TGS1: variants seen among roughly 807,000 people sequenced by gnomAD.
The protein encoded by TGS1 is trimethylguanosine synthase.
In TGS1, 69 loss-of-function variants were observed where a neutral mutation model predicts 92.2. The ratio of observed to expected loss-of-function variants is 0.75; its 90% CI spans 0.62 to 0.91. The LOEUF is 0.91. Among genes scored for constraint, TGS1 ranks in the 40% least tolerant of loss-of-function variants. The pLI is 0.00. For missense variants in TGS1, 1,062 were observed against 1,001.2 expected (o/e 1.06, Z -0.82); for synonymous variants, 345 against 338.1 (o/e 1.02, Z -0.22).
Position 55,802,560 on chromosome 8 carries a change from G to A in TGS1, c.1953G>A (p.Arg651=). 6.2e-7 allele frequency: 1 copy of A among 1,614,104 alleles called. No individual in the cohort carries two copies. The highest frequency in any genetic ancestry group is 1.7e-5 in the Admixed American group (1 of 60,010). The change falls in exon 9 of 13, where the codon AGG becomes AGA. Residue 651 remains arginine, a synonymous_variant. Transcript: ENST00000260129. ...VPELAKYWAQ[R]YRLFSRFDDG... is the part of the protein sequence containing the mutation. ...AGCTGGCAAAATACTGGGCCCAGAGGTACAGGCTCTTCTCCCGTTTTGATG... is the reference window on the plus strand; with the variant it reads ...AGCTGGCAAAATACTGGGCCCAGAGATACAGGCTCTTCTCCCGTTTTGATG...
chr8:55,803,827 G>A (rs1263393965), intron 9 of TGS1, among the ~76,000 whole-genome samples: 2 of 151,908 alleles, frequency 1.3e-5, no homozygotes, highest in South Asian at 4.2e-4. Flanking sequence ...AAGTAGCTGG[G>A]ATTACAAGCA....
intron 12 of TGS1, among the ~76,000 whole-genome samples, chr8:55,813,474 T>C (rs1456285909): frequency 6.6e-6 from 1 of 152,242 alleles, no homozygotes; most frequent in Non-Finnish European, 1.5e-5. Flanking sequence ...TAGAGAGATT[T>C]GATGATATCT....
Position 55,796,000 on chromosome 8 carries a change from A to T in TGS1, c.1390A>T (p.Ser464Cys). 1 of 1,613,322 alleles carries T rather than the reference A, an allele frequency of 6.2e-7. No homozygotes were observed. Among genetic ancestry groups the T allele is most frequent in the Non-Finnish European group, 8.5e-7 (1 of 1,179,678 alleles). ...CAGATATGGTGGAATCCCAAATTTC[A>T]GTCATCGGCAGGTCAGGTATTTAGA... ...GQKYGGIPNF[S>C]HRQVRYLEKN... Residue 464 changes from serine to cysteine, a missense_variant, in exon 7 of 13, where the codon AGT (serine) becomes TGT (cysteine). By Grantham distance (112) the Ser-to-Cys change is moderately radical. Transcript: ENST00000260129.
chr8:55,792,008 G>A (rs956961696), intron 5 of TGS1, among the ~76,000 whole-genome samples: 7 of 152,130 alleles, frequency 4.6e-5, no homozygotes, highest in African/African-American at 1.4e-4. Context: ...AAAAACAAGC[G>A]TGCCTCTACT....
chr8:55,799,063 G>A lies in TGS1; in HGVS notation c.1692G>A (p.Glu564=). 6.2e-7 allele frequency: 1 copy of A among 1,614,172 alleles called. No homozygotes were observed. The highest frequency in any genetic ancestry group is 8.5e-7 in the Non-Finnish European group (1 of 1,180,026). Residue 564 remains glutamate (E), a synonymous_variant, in exon 8 of 13, where the codon GAG becomes GAA. Transcript: ENST00000260129. ...TTAAAAAAGGTGATGACCTACTGGA[G>A]ACTAATAATCCAGAACCTGAAAAGT... is the stretch of plus-strand genomic sequence containing the variant. ...MSVKKGDDLL[E]TNNPEPEKCQ... is the part of the protein sequence containing the mutation.
chr8:55,779,480 A>G (rs906921665), intron 1 of TGS1, among the ~76,000 whole-genome samples: 1 of 152,196 alleles, frequency 6.6e-6, no homozygotes, highest in African/African-American at 2.4e-5. Context: ...GAAGGCTTAC[A>G]GGCTAGCACT....
intron 6 of TGS1, among the ~76,000 whole-genome samples, chr8:55,794,864 T>A (rs1029829751): frequency 6.6e-6 from 1 of 152,212 alleles, no homozygotes; most frequent in African/African-American, 2.4e-5. Context: ...GTCCTACTTA[T>A]CTGTTTCATA....
intron 11 of TGS1, among the ~76,000 whole-genome samples, chr8:55,812,078 A>G (rs951629591): frequency 3.3e-5 from 5 of 152,148 alleles, no homozygotes; most frequent in African/African-American, 9.7e-5. Flanking sequence ...TTTGCTGTGT[A>G]TCTTCACATT....
At chr8:55,780,972 G>C (rs536561181) in intron 1 of TGS1, among the ~76,000 whole-genome samples, 34 of 152,246 alleles carry the variant, frequency 2.2e-4, no homozygotes, top group Non-Finnish European at 4.4e-4. Flanking sequence ...AGATGACCCA[G>C]GTTTATCTTT....
chr8:55,822,419 A>G (rs946603435), intron 12 of TGS1, among the ~76,000 whole-genome samples: 2 of 152,078 alleles, frequency 1.3e-5, no homozygotes, highest in African/African-American at 4.8e-5. Flanking sequence ...AGAACTGGGG[A>G]TTTTTAAGTT....
At chr8:55,808,516 T>C (rs1214705202) in intron 10 of TGS1, among the ~76,000 whole-genome samples, 1 of 149,944 alleles carries the variant, frequency 6.7e-6, no homozygotes. Flanking sequence ...TTTTTCTTTT[T>C]TTTTTTTTTT....
chr8:55,820,453 G>A (rs1803603557), intron 12 of TGS1, among the ~76,000 whole-genome samples: 1 of 152,042 alleles, frequency 6.6e-6, no homozygotes, highest in Non-Finnish European at 1.5e-5. Context: ...CAGGAGAATC[G>A]CTTGAACCCA....
chr8:55,795,412 G>T (rs1812009773), intron 6 of TGS1, among the ~76,000 whole-genome samples: 1 of 152,198 alleles, frequency 6.6e-6, no homozygotes, highest in African/African-American at 2.4e-5. Flanking sequence ...CTAACAGTTT[G>T]TCGGAGAGGG....
chr8:55,810,995 C>G lies in TGS1; in HGVS notation c.2258C>G (p.Ser753Cys). Reference sequence around the variant, plus strand: ...TGTGGAGATTTCTTGCTGCTGGCTTCTTTTTTAAAGGCTGATGTTGTGTTC... The same window carrying G: ...TGTGGAGATTTCTTGCTGCTGGCTTGTTTTTTAAAGGCTGATGTTGTGTTC... Reference protein sequence around the residue: ...FICGDFLLLASFLKADVVFLS... With the variant: ...FICGDFLLLACFLKADVVFLS... Residue 753 changes from serine to cysteine, a missense_variant, in exon 11 of 13, where the codon TCT becomes TGT. Physicochemically the swap from Ser to Cys is moderately radical, Grantham distance 112. Transcript: ENST00000260129. 6.2e-7 allele frequency: 1 copy of G among 1,614,130 alleles called. No homozygotes were observed. The highest frequency in any genetic ancestry group is 8.5e-7 in the Non-Finnish European group (1 of 1,180,020).
intron 1 of TGS1, among the ~76,000 whole-genome samples, chr8:55,776,838 C>G (rs1256062661): frequency 1.3e-5 from 2 of 152,184 alleles, no homozygotes; most frequent in African/African-American, 4.8e-5. Flanking sequence ...TACACAGGCT[C>G]TGAGTGAGCT....
chr8:55,784,884 A>T (rs1037611773), intron 2 of TGS1, among the ~76,000 whole-genome samples: 1 of 152,172 alleles, frequency 6.6e-6, no homozygotes, highest in Non-Finnish European at 1.5e-5. Flanking sequence ...TCTTCCTTCC[A>T]TCCTCAGTAT....
chr8:55,775,463 G>A (rs940518787), intron 1 of TGS1, among the ~76,000 whole-genome samples: 1 of 152,112 alleles, frequency 6.6e-6, no homozygotes, highest in Non-Finnish European at 1.5e-5. Context: ...CATTGTTTAG[G>A]CAAGAGATTA....
intron 10 of TGS1, among the ~76,000 whole-genome samples, chr8:55,807,149 T>C (rs1280028690): frequency 1.3e-5 from 2 of 151,988 alleles, no homozygotes; most frequent in Admixed American, 6.6e-5. Context: ...AGGATGGTCT[T>C]GATCTCCTGA....
intron 12 of TGS1, among the ~76,000 whole-genome samples, chr8:55,817,201 A>AT (rs1490510263): frequency 6.6e-6 from 1 of 152,030 alleles, no homozygotes; most frequent in Non-Finnish European, 1.5e-5. Context: ...TGAGGCTCCA[A>AT]TTGTCTTTTT....
Sources: gnomAD v4.1 joint callset for allele counts (sites outside exome capture counted in the v4.1 genomes callset) on GRCh38, gnomAD v4.1.1 for gene constraint, MANE v1.5 for transcripts, NCBI Gene and HGNC (gene_info 2026-07-23, HGNC 2026-07-21) for gene names.